The following ZBTB40 variants were observed in gnomAD, a reference collection of about 807,000 sequenced individuals.
The protein encoded by ZBTB40 is zinc finger and BTB domain containing 40.
Under a neutral mutation model 117.5 loss-of-function variants are expected in ZBTB40, and 60 were observed. The observed-to-expected ratio is 0.51, with a 90% CI of 0.41 to 0.63. ZBTB40 has a LOEUF of 0.63. Among genes scored for constraint, ZBTB40 ranks in the 30% least tolerant of loss-of-function variants. The pLI is 0.00. For synonymous variants in ZBTB40, 525 were observed against 577.1 expected (o/e 0.91, Z 1.29); for missense variants, 1,287 against 1,498.5 (o/e 0.86, Z 2.33).
intron 1 of ZBTB40, among the ~76,000 whole-genome samples, chr1:22,461,486 T>G (rs1641131944): frequency 6.6e-6 from 1 of 152,154 alleles, no homozygotes; most frequent in Non-Finnish European, 1.5e-5. Flanking sequence ...TTTTGTTAGC[T>G]CCTTAAGTTA....
chr1:22,517,503 C>A, intron 13 of ZBTB40, 39 bp downstream of exon 13: 1 of 1,594,938 alleles, frequency 6.3e-7, no homozygotes. Flanking sequence ...TCAGTGCCAG[C>A]CTGGCACTGG....
intron 1 of ZBTB40, among the ~76,000 whole-genome samples, chr1:22,438,526 A>C (rs1470247121): frequency 6.6e-6 from 1 of 152,160 alleles, no homozygotes; most frequent in African/African-American, 2.4e-5. Flanking sequence ...TCAATTTTGG[A>C]GTATACACCC....
At chr1:22,444,536 G>C (rs1244017390) in intron 1 of ZBTB40, among the ~76,000 whole-genome samples, 1 of 152,198 alleles carries the variant, frequency 6.6e-6, no homozygotes, top group African/African-American at 2.4e-5. Context: ...TTGGGCGAGT[G>C]GGTTCAAGCA....
At chr1:22,489,798 T>G in intron 1 of ZBTB40, 82 bp from the exon 2 acceptor site, 1 of 741,034 alleles carries the variant, frequency 1.3e-6, no homozygotes, top group Non-Finnish European at 2.4e-6. Context: ...TGAAATGCCT[T>G]TCTGTTCATT....
chr1:22,436,452 C>T (rs1015027111), intron 1 of ZBTB40, among the ~76,000 whole-genome samples: 3 of 152,036 alleles, frequency 2.0e-5, no homozygotes, highest in Admixed American at 6.6e-5. Context: ...GCGGAGGTTG[C>T]GGTGAGCCGA....
intron 1 of ZBTB40, among the ~76,000 whole-genome samples, chr1:22,483,552 CT>C (rs1638384347): frequency 6.6e-6 from 1 of 152,138 alleles, no homozygotes; most frequent in Non-Finnish European, 1.5e-5. Flanking sequence ...TGTACAACAT[CT>C]TTTCATTTGC....
At chr1:22,436,568 A>T (rs777355208) in intron 1 of ZBTB40, among the ~76,000 whole-genome samples, 1 of 152,162 alleles carries the variant, frequency 6.6e-6, no homozygotes, top group Non-Finnish European at 1.5e-5. Flanking sequence ...TATTCATAAT[A>T]CCTGAAGCTG....
At position 22,490,071 on chromosome 1, in the gene ZBTB40, C is replaced by T. The variant is rs1445350276; in HGVS notation, c.123C>T (p.Val41=). 3 of 1,614,064 alleles carry T rather than the reference C, an allele frequency of 1.9e-6. No homozygotes were observed. In the African/African-American group the frequency reaches 4.0e-5, roughly 22 times the overall value. Residue 41 remains valine, a synonymous_variant, in exon 2 of 18, where the codon GTC becomes GTT. Transcript: ENST00000375647. ...TTTACTTCAGGGCTCACAAGCTTGT[C>T]CTGGCTGCTGCCAGCCTCCTGTTCA... is the stretch of plus-strand genomic sequence containing the variant. ...GTIYFRAHKL[V]LAAASLLFKT... is the part of the protein sequence containing the mutation.
In ZBTB40 at chr1:22,529,943, G is replaced by C. The variant is rs1284363278; in HGVS notation, c.*3547G>C. ...CAATCAGGGACTCCCAGAAAGGAAG[G>C]AGAATGGTGAGAAGGGCCCTAAGAG... On this transcript the variant is annotated 3_prime_UTR_variant, in exon 18 of 18. Transcript: ENST00000375647. The C allele has an allele frequency of 1.3e-5, 2 of 151,900 alleles. No homozygotes were observed. The highest frequency in any genetic ancestry group is 4.8e-5 in the African/African-American group (2 of 41,344). 9.4% of individuals were successfully genotyped at this position (151,900 alleles called of 1,614,324 possible). A position where few individuals can be genotyped will look rare whatever the true frequency, so the allele number is the denominator to read the frequency against.
intron 6 of ZBTB40, among the ~76,000 whole-genome samples, chr1:22,507,794 C>T (rs1200277310): frequency 2.6e-5 from 4 of 152,176 alleles, no homozygotes; most frequent in Non-Finnish European, 4.4e-5. Flanking sequence ...AAAGCGTTAA[C>T]GGCTTTATGA....
intron 17 of ZBTB40, among the ~76,000 whole-genome samples, chr1:22,525,241 T>C (rs992714762): frequency 6.6e-6 from 1 of 152,206 alleles, no homozygotes; most frequent in African/African-American, 2.4e-5. Flanking sequence ...TTCTTGATAA[T>C]ATGTCCTTTG....
chr1:22,436,495 A>T (rs1640672677), intron 1 of ZBTB40, among the ~76,000 whole-genome samples: 2 of 152,200 alleles, frequency 1.3e-5, no homozygotes, highest in South Asian at 4.1e-4. Context: ...ATGGGCAACA[A>T]GAGTGAAACT....
chr1:22,468,936 C>G (rs1641333275), intron 1 of ZBTB40, among the ~76,000 whole-genome samples: 1 of 152,084 alleles, frequency 6.6e-6, no homozygotes, highest in Non-Finnish European at 1.5e-5. Flanking sequence ...AAGTAATGTC[C>G]CCACCTCAGC....
In ZBTB40 at chr1:22,480,228, A is replaced by G. The variant is rs1398658767; in HGVS notation, c.-69-9652A>G. 2.0e-5 allele frequency among the ~76,000 whole-genome samples: 3 copies of G among 151,366 alleles called. No homozygotes were observed. The South Asian group carries it at 6.3e-4, about 32-fold the overall frequency. ...GCCAGGAATTTCTTATATATTCTAG[A>G]TATCAATTCCTTATTGCCTTTAAAC... On this transcript the variant is annotated intron_variant, in intron 1 of 17. Coordinates refer to ENST00000375647, the MANE Select transcript of ZBTB40 (RefSeq NM_014870.4).
chr1:22,479,654 C>T (rs1226554586), intron 1 of ZBTB40, among the ~76,000 whole-genome samples: 1 of 152,088 alleles, frequency 6.6e-6, no homozygotes. Context: ...TAGAAAATTC[C>T]TAGATATGTC....
Sources: allele counts gnomAD v4.1 joint callset (sites outside exome capture counted in the v4.1 genomes callset), GRCh38; gene constraint gnomAD v4.1.1; transcripts MANE v1.5; gene names NCBI Gene and HGNC (gene_info 2026-07-23, HGNC 2026-07-21).